BLK: variants seen among roughly 807,000 people sequenced by gnomAD.
BLK encodes tyrosine-protein kinase Blk.
A neutral mutation model predicts 61.8 loss-of-function variants in BLK; 64 were observed. The observed-to-expected ratio is 1.03, with a 90% CI of 0.85 to 1.27. BLK has a LOEUF of 1.27. Ranked by LOEUF, BLK falls within the 50% of genes most tolerant of loss-of-function variation. The probability of loss-of-function intolerance (pLI) is 0.00; values close to 1 mark genes in which losing one functional copy is unlikely to be tolerated. For missense variants in BLK, 853 were observed against 660.5 expected (o/e 1.29, Z -3.19); for synonymous variants, 351 against 272.0 (o/e 1.29, Z -2.86).
At chr8:11,511,658 G>T (rs1799012550) in intron 1 of BLK, among the ~76,000 whole-genome samples, 1 of 152,046 alleles carries the variant, frequency 6.6e-6, no homozygotes, top group African/African-American at 2.4e-5. Context: ...ACTTATTATT[G>T]TTGAAAACTA....
chr8:11,502,907 TC>T, intron 1 of BLK, among the ~76,000 whole-genome samples: 1 of 152,244 alleles, frequency 6.6e-6, no homozygotes, highest in Non-Finnish European at 1.5e-5. Context: ...GGAGAACCTG[TC>T]CCCATGGCTG....
Position 11,539,087 on chromosome 8 carries a change from T to G in BLK, c.-1-4137T>G, listed in dbSNP as rs111841290. The stretch of plus-strand genomic sequence containing the variant: ...TTTAAGTCCGCTGGTTTTTTTTTTG[T>G]TTTGTTTTGCCTTACACCACACCTC... On this transcript the variant is annotated intron_variant, in intron 1 of 12. Transcript: ENST00000259089. Among the ~76,000 whole-genome samples the G allele has an allele frequency of 9.8e-3, 1,492 of 152,106 alleles. 12 individuals are homozygous for G. Among genetic ancestry groups the G allele is most frequent in the Middle Eastern group, 0.044 (13 of 294 alleles).
intron 8 of BLK, 97 bp from the exon 9 acceptor site, chr8:11,556,561 G>A: frequency 2.8e-6 from 4 of 1,435,590 alleles, no homozygotes; most frequent in Admixed American, 1.7e-5. Context: ...ACCTGGAATG[G>A]GGTGGCACCT....
chr8:11,550,999 G>A (rs188911641), intron 6 of BLK, among the ~76,000 whole-genome samples: 1 of 152,090 alleles, frequency 6.6e-6, no homozygotes, highest in East Asian at 1.9e-4. Flanking sequence ...CCCCCACTTG[G>A]GCTCCTTCCT....
rs1385826895 is a variant in BLK at position 11,546,108 on chromosome 8, G to C, written c.175+5G>C. 5 of 1,614,092 alleles carry C rather than the reference G, an allele frequency of 3.1e-6. No homozygotes were observed. Among genetic ancestry groups the C allele is most frequent in the South Asian group, 2.2e-5 (2 of 91,086 alleles). On this transcript the variant is annotated splice_donor_5th_base_variant and intron_variant, in intron 3 of 12. Transcript: ENST00000259089. ...CCGATGAACACCTGGATGAAGGTAA[G>C]AAGGGTGGTTTGGGAAGCTGAGGCT...
intron 1 of BLK, among the ~76,000 whole-genome samples, chr8:11,508,628 C>T (rs188711726): frequency 8.9e-4 from 135 of 152,354 alleles, no homozygotes; most frequent in South Asian, 4.1e-4. Context: ...CCTCTGCCTT[C>T]GGGTCTCCTG....
intron 1 of BLK, among the ~76,000 whole-genome samples, chr8:11,535,292 G>GAAAT (rs758038482): frequency 7.0e-6 from 1 of 142,538 alleles, no homozygotes; most frequent in African/African-American, 2.6e-5. Flanking sequence ...AAGAAAGAAA[G>GAAAT]AAAGAAAGAA....
At chr8:11,496,683 T>C (rs561246695) in intron 1 of BLK, among the ~76,000 whole-genome samples, 35 of 152,076 alleles carry the variant, frequency 2.3e-4, no homozygotes, top group Admixed American at 6.5e-4. Flanking sequence ...CTGACTCCTC[T>C]CCAGGAAGGA....
rs1430694095 is a variant in BLK, at chr8:11,549,071, G to T, written c.317G>T (p.Gly106Val). 6.2e-6 allele frequency: 10 copies of T among 1,611,760 alleles called. No individual in the cohort carries two copies. The highest frequency in any genetic ancestry group is 2.7e-5 in the African/African-American group (2 of 74,916). Residue 106 changes from glycine (G) to valine (V), a missense_variant, in exon 5 of 13, where the codon GGC (glycine) becomes GTC (valine). Coordinates refer to ENST00000259089, the MANE Select transcript of BLK (RefSeq NM_001715.3). ...LARSLVTGRE[G>V]YVPSNFVARV... The stretch of plus-strand genomic sequence containing the variant: ...AGGTCACTCGTCACAGGAAGAGAAG[G>T]CTATGTGCCCAGTAACTTTGTGGCC...
intron 1 of BLK, among the ~76,000 whole-genome samples, chr8:11,514,063 G>C (rs1421369258): frequency 6.6e-6 from 1 of 152,146 alleles, no homozygotes; most frequent in Non-Finnish European, 1.5e-5. Flanking sequence ...TCTGCCAAGG[G>C]GATCGGACCT....
At position 11,512,548 on chromosome 8, in the gene BLK, C is replaced by G. The variant is rs73663153; in HGVS notation, c.-2+17957C>G. ...ATTATTTTAGTATTATCAATTTGAT[C>G]CTTTAAGGCAGGCAGAAAACATATT... On this transcript the variant is annotated intron_variant, in intron 1 of 12. Transcript: ENST00000259089. Among the ~76,000 whole-genome samples the G allele has an allele frequency of 5.8e-3, 879 of 152,292 alleles. 9 individuals carry two copies. Among genetic ancestry groups the G allele is most frequent in the African/African-American group, 0.02 (823 of 41,550 alleles).
intron 1 of BLK, among the ~76,000 whole-genome samples, chr8:11,516,954 T>G (rs563057383): frequency 6.6e-6 from 1 of 152,372 alleles, no homozygotes; most frequent in East Asian, 1.9e-4. Flanking sequence ...CTGGCATTGC[T>G]GGATCATATG....
At chr8:11,503,205 T>C (rs945395634) in intron 1 of BLK, among the ~76,000 whole-genome samples, 3 of 152,178 alleles carry the variant, frequency 2.0e-5, no homozygotes, top group Non-Finnish European at 4.4e-5. Context: ...CAACCACACG[T>C]AGCATCTAAA....
rs1191362060 is a variant in BLK at position 11,546,227 on chromosome 8, C to T, written c.175+124C>T. On this transcript the variant is annotated intron_variant, in intron 3 of 12. Coordinates refer to ENST00000259089, the MANE Select transcript of BLK (RefSeq NM_001715.3). Reference sequence around the variant, plus strand: ...GGCTGGAGAAGAGAAAACGGGGAAGCTGAGAGAGGCCCCGGCTCTGTGCCT... The same window carrying T: ...GGCTGGAGAAGAGAAAACGGGGAAGTTGAGAGAGGCCCCGGCTCTGTGCCT... 6 of 1,171,410 alleles carry T rather than the reference C, an allele frequency of 5.1e-6. No individual in the cohort carries two copies. In the African/African-American group the frequency reaches 9.1e-5, roughly 18 times the overall value. 72.6% of individuals were successfully genotyped at this position (1,171,410 alleles called of 1,614,324 possible).
At chr8:11,506,019 C>T (rs901118899) in intron 1 of BLK, among the ~76,000 whole-genome samples, 1 of 152,228 alleles carries the variant, frequency 6.6e-6, no homozygotes, top group African/African-American at 2.4e-5. Flanking sequence ...TGACAAATCT[C>T]TTCCCACAGT....
chr8:11,529,211 C>T (rs1434986077), intron 1 of BLK, among the ~76,000 whole-genome samples: 2 of 152,142 alleles, frequency 1.3e-5, no homozygotes, highest in Admixed American at 1.3e-4. Context: ...TTTATCAAGA[C>T]AGAGGAATTG....
chr8:11,530,382 T>G (rs2264869), intron 1 of BLK, among the ~76,000 whole-genome samples: 1 of 152,234 alleles, frequency 6.6e-6, no homozygotes, highest in East Asian at 1.9e-4. Context: ...AGGTAGGAGG[T>G]CAGTTCCTCC....
At chr8:11,528,708 G>A (rs899131188) in intron 1 of BLK, among the ~76,000 whole-genome samples, 5 of 152,138 alleles carry the variant, frequency 3.3e-5, no homozygotes, top group Non-Finnish European at 7.3e-5. Context: ...TGTGTATAAC[G>A]AAAACATTGG....
rs770572857 is a variant in BLK at position 11,555,309 on chromosome 8, C to G, written c.620-23C>G. 3.7e-6 allele frequency: 6 copies of G among 1,613,998 alleles called. No individual in the cohort carries two copies. The African/African-American group carries it at 6.7e-5, about 18-fold the overall frequency. On this transcript the variant is annotated intron_variant, in intron 7 of 12. Coordinates refer to ENST00000259089, the MANE Select transcript of BLK (RefSeq NM_001715.3). ...CTGGCTGCTCTGGTAACCCCCAGCCCTGTCTTTTCTTCCCTAATGCAGAGA... is the reference window on the plus strand; with the variant it reads ...CTGGCTGCTCTGGTAACCCCCAGCCGTGTCTTTTCTTCCCTAATGCAGAGA...
Sources: allele counts gnomAD v4.1 joint callset (sites outside exome capture counted in the v4.1 genomes callset), GRCh38; gene constraint gnomAD v4.1.1; transcripts MANE v1.5; gene names NCBI Gene and HGNC (gene_info 2026-07-23, HGNC 2026-07-21).